Variants in VSTM4 observed in about 807,000 individuals in gnomAD.
The protein encoded by VSTM4 is V-set and transmembrane domain-containing protein 4.
A neutral mutation model predicts 36.4 loss-of-function variants in VSTM4; 20 were observed. That is an observed-to-expected ratio of 0.55 (90% CI 0.39 to 0.80). The LOEUF is 0.80. Among genes scored for constraint, VSTM4 ranks in the 30% least tolerant of loss-of-function variants. The probability of loss-of-function intolerance (pLI) is 0.00; values close to 1 mark genes in which losing one functional copy is unlikely to be tolerated. For synonymous variants in VSTM4, 182 were observed against 173.9 expected, an observed-to-expected ratio of 1.05 and a Z score of -0.37; for missense variants, 392 against 404.5, an observed-to-expected ratio of 0.97 and a Z score of 0.26.
chr10:49,051,416 G>A (rs926379001), intron 5 of VSTM4, among the ~76,000 whole-genome samples: 6 of 61,224 alleles, frequency 9.8e-5, no homozygotes, highest in African/African-American at 3.0e-4. Context: ...TTTCTTTTTT[G>A]AGACAGTCTC....
intron 2 of VSTM4, 23 bp downstream of exon 2, chr10:49,107,571 C>G (rs1238907517): frequency 6.9e-5 from 109 of 1,584,062 alleles, no homozygotes; most frequent in Non-Finnish European, 9.2e-5. Flanking sequence ...ACCACCTCTA[C>G]CCAGGGAGAC....
At chr10:49,039,654 G>T (rs539214242) in intron 7 of VSTM4, among the ~76,000 whole-genome samples, 14 of 152,124 alleles carry the variant, frequency 9.2e-5, no homozygotes, top group Non-Finnish European at 2.1e-4. Context: ...GTGACCCATT[G>T]TGGAGGAGGG....
At chr10:49,084,171 G>C (rs1261745448) in intron 3 of VSTM4, among the ~76,000 whole-genome samples, 1 of 152,226 alleles carries the variant, frequency 6.6e-6, no homozygotes, top group African/African-American at 2.4e-5. Context: ...TCTATGAGAA[G>C]TAAAGTCATT....
intron 2 of VSTM4, among the ~76,000 whole-genome samples, chr10:49,091,551 G>A (rs930218197): frequency 4.6e-5 from 7 of 152,206 alleles, no homozygotes; most frequent in African/African-American, 1.7e-4. Context: ...AGAGAGGTGT[G>A]AAAACCGAGA....
At chr10:49,073,909 A>G (rs1452114951) in intron 4 of VSTM4, among the ~76,000 whole-genome samples, 1 of 152,238 alleles carries the variant, frequency 6.6e-6, no homozygotes, top group African/African-American at 2.4e-5. Flanking sequence ...GCTAATGCAC[A>G]ATGAATGTTT....
intron 7 of VSTM4, among the ~76,000 whole-genome samples, chr10:49,043,594 G>C (rs1007593704): frequency 3.9e-5 from 6 of 152,154 alleles, no homozygotes; most frequent in Non-Finnish European, 8.8e-5. Flanking sequence ...TAAAGGTAAT[G>C]AAGGGAAAGA....
chr10:49,042,993 G>A (rs555525396), intron 7 of VSTM4, among the ~76,000 whole-genome samples: 1 of 152,306 alleles, frequency 6.6e-6, no homozygotes, highest in Admixed American at 6.5e-5. Context: ...CATGGGCCCT[G>A]ACACAGGAAC....
In VSTM4 at chr10:49,054,114, A is replaced by G. The variant is rs1843739793; in HGVS notation, c.669-5530T>C. On this transcript the variant is annotated intron_variant, in intron 5 of 7. Transcript: ENST00000332853. ...AGAGATCAGGTCCTTCTCAAAAGTC[A>G]CCAGCTGAGAAGGGGACATGGGACT... Among the ~76,000 whole-genome samples the G allele has an allele frequency of 3.3e-5, 5 of 152,270 alleles. No individual in the cohort carries two copies. The South Asian group carries it at 1.0e-3, about 32-fold the overall frequency.
chr10:49,032,382 G>A (rs182163302), intron 7 of VSTM4, among the ~76,000 whole-genome samples: 120 of 152,320 alleles, frequency 7.9e-4, no homozygotes, highest in African/African-American at 2.6e-3. Flanking sequence ...ATCCAGGGCC[G>A]TGTGGATAAA....
chr10:49,038,083 T>TTG (rs1372372260), intron 7 of VSTM4, among the ~76,000 whole-genome samples: 2 of 152,218 alleles, frequency 1.3e-5, no homozygotes, highest in African/African-American at 4.8e-5. Context: ...GCCATTACCA[T>TTG]CTGATCCAGC....
At chr10:49,058,020 T>A (rs1038643852) in intron 5 of VSTM4, among the ~76,000 whole-genome samples, 1 of 151,934 alleles carries the variant, frequency 6.6e-6, no homozygotes, top group Admixed American at 6.6e-5. Flanking sequence ...TTTGGTGAGG[T>A]TTGCTTTTGC....
chr10:49,103,394 C>A, intron 2 of VSTM4: 1 of 450,938 alleles, frequency 2.2e-6, no homozygotes, highest in Non-Finnish European at 3.0e-6. Flanking sequence ...CATAAAATGA[C>A]AGGAAGGATT....
chr10:49,020,708 AGAAGGAAGGAAGGAAAGAAGAAG>A (rs1306853513), intron 7 of VSTM4, among the ~76,000 whole-genome samples: 13 of 55,586 alleles, frequency 2.3e-4, no homozygotes, highest in Non-Finnish European at 1.0e-4. Context: ...GAAGGAGGGA[AGAAGGAAGGAAGGAAAGAAGAAG>A]GAAGGAAGGA....
intron 7 of VSTM4, among the ~76,000 whole-genome samples, chr10:49,040,867 G>C (rs894165522): frequency 6.6e-6 from 1 of 152,190 alleles, no homozygotes; most frequent in African/African-American, 2.4e-5. Flanking sequence ...GAGGTTGTCA[G>C]ATTGGTTTCT....
chr10:49,047,118 G>A (rs1843624663), intron 6 of VSTM4, 74 bp from the exon 7 acceptor site: 3 of 1,453,334 alleles, frequency 2.1e-6, no homozygotes, highest in African/African-American at 2.8e-5. Context: ...ATGAGCATCA[G>A]GGACATATTC....
At chr10:49,047,215 C>T (rs1302768410) in intron 6 of VSTM4, among the ~76,000 whole-genome samples, 171 bp from the exon 7 acceptor site, 1 of 152,110 alleles carries the variant, frequency 6.6e-6, no homozygotes, top group East Asian at 1.9e-4. Flanking sequence ...CGTGATCCTC[C>T]CCTAGTCTTT....
intron 7 of VSTM4, among the ~76,000 whole-genome samples, chr10:49,025,256 C>T (rs904565671): frequency 6.6e-6 from 1 of 152,022 alleles, no homozygotes; most frequent in Admixed American, 6.6e-5. Flanking sequence ...ATACATAAGT[C>T]AAGGTGAGGA....
At chr10:49,093,822 G>A (rs1221033837) in intron 2 of VSTM4, among the ~76,000 whole-genome samples, 11 of 141,246 alleles carry the variant, frequency 7.8e-5, no homozygotes, top group African/African-American at 2.7e-4. Flanking sequence ...ATCTAGGTTC[G>A]CTGCAAGCTC....
At position 49,039,182 on chromosome 10, in the gene VSTM4, C is replaced by G. The variant is rs571255614; in HGVS notation, c.837+7801G>C. On this transcript the variant is annotated intron_variant, in intron 7 of 7. Transcript: ENST00000332853. The stretch of plus-strand genomic sequence containing the variant: ...AAAGAAGGTGGTGAGTGAGCCACAT[C>G]TTAGAGCTGAGCAGCAGCTCTGCGG... Among the ~76,000 whole-genome samples, 40 of 152,240 alleles carry G rather than the reference C, an allele frequency of 2.6e-4. No individual in the cohort carries two copies. In the South Asian group the frequency reaches 7.5e-3, roughly 28 times the overall value.
Sources: allele counts gnomAD v4.1 joint callset (sites outside exome capture counted in the v4.1 genomes callset), GRCh38; gene constraint gnomAD v4.1.1; transcripts MANE v1.5; gene names NCBI Gene and HGNC (gene_info 2026-07-23, HGNC 2026-07-21).